The following SLCO2B1 variants were observed in gnomAD, a reference collection of about 807,000 sequenced individuals.
The protein encoded by SLCO2B1 is solute carrier organic anion transporter family member 2B1, also known as OATP-RP2.
Under a neutral mutation model 67.3 loss-of-function variants are expected in SLCO2B1, and 41 were observed. That is an observed-to-expected ratio of 0.61 (90% CI 0.47 to 0.79). The LOEUF (loss-of-function observed/expected upper bound fraction) is 0.79. Ranked by LOEUF, SLCO2B1 falls within the 30% of genes least tolerant of loss-of-function variation. The pLI is 0.00. For missense variants in SLCO2B1, 837 were observed against 920.1 expected (o/e 0.91, Z 1.17); for synonymous variants, 379 against 381.4 (o/e 0.99, Z 0.07).
chr11:75,163,363 GT>G (rs1334936270), intron 2 of SLCO2B1, among the ~76,000 whole-genome samples: 1 of 152,154 alleles, frequency 6.6e-6, no homozygotes, highest in Non-Finnish European at 1.5e-5. Context: ...TTCTCTTAGA[GT>G]TTCAGGAGGA....
chr11:75,172,508 A>T lies in SLCO2B1; in HGVS notation c.911A>T (p.Glu304Val), dbSNP rs1455720050. ...TTCTTCCCCAAGGAAATGCCCAAGG[A>T]AAAACGTGAGCTTCAGTTTCGGCGA... ...YFFFPKEMPK[E>V]KRELQFRRKV... The change falls in exon 7 of 14, where the codon GAA becomes GTA. Residue 304 changes from glutamate to valine, a missense_variant. Glu to Val is a moderately radical substitution (Grantham distance 121). Transcript: ENST00000289575. 1 of 1,614,200 alleles carries T rather than the reference A, an allele frequency of 6.2e-7. No homozygotes were observed. The highest frequency in any genetic ancestry group is 8.5e-7 in the Non-Finnish European group (1 of 1,180,030).
At chr11:75,165,738 C>T in intron 3 of SLCO2B1, 49 bp from the exon 4 acceptor site, 1 of 1,593,476 alleles carries the variant, frequency 6.3e-7, no homozygotes, top group Non-Finnish European at 8.6e-7. Context: ...TGCAGGCCCC[C>T]AGCCCTGGGA....
At chr11:75,173,763 T>C (rs894544304) in intron 7 of SLCO2B1, among the ~76,000 whole-genome samples, 7 of 152,148 alleles carry the variant, frequency 4.6e-5, no homozygotes, top group African/African-American at 1.7e-4. Flanking sequence ...AACAACAAAT[T>C]GGCTTCAAAT....
intron 3 of SLCO2B1, 105 bp downstream of exon 3, chr11:75,164,205 A>C: frequency 7.8e-7 from 1 of 1,276,336 alleles, no homozygotes; most frequent in Non-Finnish European, 1.1e-6. Flanking sequence ...TTCCCCTCCC[A>C]GTGCCCTCAG....
chr11:75,164,383 C>T (rs1316164641), intron 3 of SLCO2B1, among the ~76,000 whole-genome samples: 3 of 152,182 alleles, frequency 2.0e-5, no homozygotes, highest in Non-Finnish European at 4.4e-5. Flanking sequence ...GTGTCCTTTA[C>T]CTTTTCAGGC....
intron 9 of SLCO2B1, among the ~76,000 whole-genome samples, chr11:75,195,165 C>T (rs1462803944): frequency 6.6e-6 from 1 of 152,198 alleles, no homozygotes; most frequent in Non-Finnish European, 1.5e-5. Context: ...GAGCCTGGAG[C>T]CAGGACTCTC....
chr11:75,201,169 G>C (rs550849741), intron 11 of SLCO2B1: 28 of 151,654 alleles, frequency 1.8e-4, no homozygotes, highest in African/African-American at 6.3e-4. Flanking sequence ...TGGGATTACA[G>C]GCACCCGCCA....
At chr11:75,152,809 C>G (rs2140298769) in intron 1 of SLCO2B1, among the ~76,000 whole-genome samples, 1 of 152,284 alleles carries the variant, frequency 6.6e-6, no homozygotes, top group African/African-American at 2.4e-5. Flanking sequence ...CCATCTCTAG[C>G]CTTGCTTCCC....
intron 1 of SLCO2B1, among the ~76,000 whole-genome samples, chr11:75,156,606 G>T (rs1275936319): frequency 6.6e-6 from 1 of 152,118 alleles, no homozygotes; most frequent in Non-Finnish European, 1.5e-5. Flanking sequence ...TCTGGATCCA[G>T]ACCCCAAGAG....
At chr11:75,182,783 G>A (rs368934291) in intron 7 of SLCO2B1, among the ~76,000 whole-genome samples, 17 of 152,032 alleles carry the variant, frequency 1.1e-4, no homozygotes, top group East Asian at 5.8e-4. Context: ...GAATGTACAC[G>A]TGGGAGCAGA....
chr11:75,183,448 A>T (rs558798212), intron 7 of SLCO2B1, among the ~76,000 whole-genome samples: 1 of 152,342 alleles, frequency 6.6e-6, no homozygotes, highest in South Asian at 2.1e-4. Flanking sequence ...AGTTTCCTTC[A>T]AATCACACCA....
intron 1 of SLCO2B1, among the ~76,000 whole-genome samples, chr11:75,157,774 G>C (rs1362562235): frequency 1.3e-5 from 2 of 152,140 alleles, no homozygotes; most frequent in East Asian, 3.8e-4. Flanking sequence ...CTTAACAGGA[G>C]AAAAGCATAC....
At chr11:75,163,827 G>A (rs893999366) in intron 2 of SLCO2B1, 136 bp from the exon 3 acceptor site, 115 of 967,616 alleles carry the variant, frequency 1.2e-4, no homozygotes, top group Non-Finnish European at 1.5e-4. Context: ...TCTTCTGTTG[G>A]TCACTCTCCC....
Position 75,166,043 on chromosome 11 carries a change from C to T in SLCO2B1, c.448+94C>T. 5 of 1,428,066 alleles carry T rather than the reference C, an allele frequency of 3.5e-6. No homozygotes were observed. In the East Asian group the frequency reaches 1.1e-4, roughly 33 times the overall value. 88.5% of individuals were successfully genotyped at this position (1,428,066 alleles called of 1,614,324 possible). ...CCACAGGCATTCATCTGGCAGGATACACCCCAAAACCTCAACACCCCAGGA... is the reference window on the plus strand; with the variant it reads ...CCACAGGCATTCATCTGGCAGGATATACCCCAAAACCTCAACACCCCAGGA... On this transcript the variant is annotated intron_variant, in intron 4 of 13. Transcript: ENST00000289575.
intron 7 of SLCO2B1, among the ~76,000 whole-genome samples, chr11:75,179,637 CTTTAA>C (rs780337081): frequency 1.1e-4 from 16 of 152,260 alleles, no homozygotes; most frequent in Admixed American, 3.3e-4. Context: ...TTTCTTATTT[CTTTAA>C]TTTATTTTTC....
intron 3 of SLCO2B1, among the ~76,000 whole-genome samples, chr11:75,165,406 A>G (rs1167794664): frequency 6.7e-6 from 1 of 150,172 alleles, no homozygotes; most frequent in Non-Finnish European, 1.5e-5. Flanking sequence ...CACTCCAGCC[A>G]GGGCGATGAG....
chr11:75,188,102 C>T (rs1264332380), intron 7 of SLCO2B1, 34 bp from the exon 8 acceptor site: 1 of 1,514,592 alleles, frequency 6.6e-7, no homozygotes, highest in Non-Finnish European at 9.1e-7. Context: ...TGCTGGCATC[C>T]AGCGGACTGT....
intron 3 of SLCO2B1, among the ~76,000 whole-genome samples, chr11:75,165,442 A>T (rs1949875962): frequency 6.6e-6 from 1 of 152,170 alleles, no homozygotes; most frequent in Non-Finnish European, 1.5e-5. Flanking sequence ...AAAAAAAAAA[A>T]AAAAAATTCA....
At chr11:75,188,370 C>G (rs1944968697) in intron 8 of SLCO2B1, 132 bp downstream of exon 8, 1 of 638,590 alleles carries the variant, frequency 1.6e-6, no homozygotes, top group Non-Finnish European at 2.8e-6. Flanking sequence ...CCATCTACTC[C>G]TTGTGAGTCT....
Sources: allele counts gnomAD v4.1 joint callset (sites outside exome capture counted in the v4.1 genomes callset), GRCh38; gene constraint gnomAD v4.1.1; transcripts MANE v1.5; gene names NCBI Gene and HGNC (gene_info 2026-07-23, HGNC 2026-07-21).